Variants in CYLD observed in about 807,000 individuals in gnomAD.
CYLD encodes ubiquitin carboxyl-terminal hydrolase CYLD.
Under a neutral mutation model 104.5 loss-of-function variants are expected in CYLD, and 26 were observed. The observed-to-expected ratio is 0.25, with a 90% CI of 0.18 to 0.35. CYLD has a LOEUF of 0.35. Ranked by LOEUF, CYLD falls within the 10% of genes least tolerant of loss-of-function variation. The pLI is 1.00. For missense variants in CYLD, 703 were observed against 1,136.1 expected (o/e 0.62, Z 5.48); for synonymous variants, 385 against 399.9 (o/e 0.96, Z 0.45).
Position 50,798,016 on chromosome 16 carries a change from G to A in CYLD, c.*1508G>A. On this transcript the variant is annotated 3_prime_UTR_variant, in exon 19 of 19. Transcript: ENST00000427738. ...GGTGGTGAGATGATGATTAGATCAG[G>A]GGTGAGGCTGAGAGACTCTGGGTTT... 4.3e-6 allele frequency: 1 copy of A among 232,324 alleles called. No individual in the cohort carries two copies. The highest frequency in any genetic ancestry group is 1.8e-4 in the South Asian group (1 of 5,524). 14.4% of individuals were successfully genotyped at this position (232,324 alleles called of 1,614,324 possible). A position where few individuals can be genotyped will look rare whatever the true frequency, so the allele number is the denominator to read the frequency against.
intron 13 of CYLD, chr16:50,787,398 A>G: frequency 3.8e-6 from 1 of 265,784 alleles, no homozygotes; most frequent in Non-Finnish European, 7.2e-6. Context: ...AAGATTCACC[A>G]CCTGACTTTG....
chr16:50,749,654 A>C lies in CYLD; in HGVS notation c.-45A>C, dbSNP rs1440521686. On this transcript the variant is annotated 5_prime_UTR_variant, in exon 3 of 19. Coordinates refer to ENST00000427738, the MANE Select transcript of CYLD (RefSeq NM_001378743.1). ...TTTGCGGTTTTATGACAAAGTTATT[A>C]GTAGTTTCCCTTTTTTGAATTAGTA... The C allele has an allele frequency of 6.3e-7, 1 of 1,594,152 alleles. No homozygotes were observed. The highest frequency in any genetic ancestry group is 1.3e-5 in the African/African-American group (1 of 74,548).
At chr16:50,766,490 A>G (rs1273538336) in intron 5 of CYLD, among the ~76,000 whole-genome samples, 1 of 152,232 alleles carries the variant, frequency 6.6e-6, no homozygotes, top group African/African-American at 2.4e-5. Flanking sequence ...TCTGCAGCAT[A>G]TGGATCAAGG....
At chr16:50,746,776 G>T (rs1476434743) in intron 2 of CYLD, among the ~76,000 whole-genome samples, 1 of 151,540 alleles carries the variant, frequency 6.6e-6, no homozygotes, top group East Asian at 1.9e-4. Flanking sequence ...CAGAAAGCAA[G>T]CTTATAATCA....
At chr16:50,795,681 A>T (rs1219591588) in intron 18 of CYLD, 3 of 698,072 alleles carry the variant, frequency 4.3e-6, no homozygotes, top group South Asian at 1.5e-5. Context: ...CAGTTCTCTG[A>T]TGCTTGAGGG....
rs1440117030 is a variant in CYLD, at chr16:50,800,191, T to TG, written c.*3686dup. ...GAGAGGGTTAGACTACTGAATTGTA[T>TG]GGGAAAAAAATACAAATTCCTGGGT... On this transcript the variant is annotated 3_prime_UTR_variant, in exon 19 of 19. Transcript: ENST00000427738. 3.0e-5 allele frequency: 7 copies of TG among 232,754 alleles called. No homozygotes were observed. The highest frequency in any genetic ancestry group is 5.9e-5 in the Non-Finnish European group (7 of 117,864). 14.4% of individuals were successfully genotyped at this position (232,754 alleles called of 1,614,324 possible).
chr16:50,775,320 T>C (rs1197478031), intron 6 of CYLD, 146 bp downstream of exon 6: 2 of 558,388 alleles, frequency 3.6e-6, no homozygotes, highest in Admixed American at 3.4e-5. Flanking sequence ...AGGTCTAGAG[T>C]GGTCTTTGTA....
intron 18 of CYLD, chr16:50,795,456 A>G (rs934711628): frequency 2.9e-6 from 2 of 688,752 alleles, no homozygotes; most frequent in African/African-American, 1.8e-5. Context: ...GCCTCTACCT[A>G]TAAGGAGTTT....
chr16:50,763,992 A>G (rs1256886746), intron 5 of CYLD, among the ~76,000 whole-genome samples: 4 of 152,086 alleles, frequency 2.6e-5, no homozygotes, highest in Admixed American at 2.0e-4. Flanking sequence ...CTCTATTGAG[A>G]TAATCCTATT....
intron 8 of CYLD, among the ~76,000 whole-genome samples, chr16:50,778,842 G>GT (rs1156596395): frequency 1.3e-5 from 2 of 151,102 alleles, no homozygotes; most frequent in East Asian, 3.9e-4. Flanking sequence ...TAGGATTCCT[G>GT]TTTAATTTTT....
chr16:50,751,068 A>T (rs1966575451), intron 3 of CYLD, among the ~76,000 whole-genome samples: 2 of 152,184 alleles, frequency 1.3e-5, no homozygotes, highest in Admixed American at 1.3e-4. Flanking sequence ...AATTTTTTTT[A>T]AAAGCAGTGA....
At chr16:50,774,389 A>G (rs1248424605) in intron 5 of CYLD, among the ~76,000 whole-genome samples, 1 of 152,190 alleles carries the variant, frequency 6.6e-6, no homozygotes, top group African/African-American at 2.4e-5. Flanking sequence ...ACTGAACCCT[A>G]CGTATACTGT....
chr16:50,757,150 A>T (rs1967342848), intron 5 of CYLD, among the ~76,000 whole-genome samples: 1 of 152,008 alleles, frequency 6.6e-6, no homozygotes, highest in Non-Finnish European at 1.5e-5. Flanking sequence ...TTTGTTGTAA[A>T]AATGAAAGGG....
rs753356127 is a variant in CYLD at position 50,751,634 on chromosome 16, G to C, written c.535G>C (p.Gly179Arg). 6.2e-7 allele frequency: 1 copy of C among 1,613,620 alleles called. No individual in the cohort carries two copies. Among genetic ancestry groups the C allele is most frequent in the Admixed American group, 1.7e-5 (1 of 59,990 alleles). ...EEGRGQGFTD[G>R]VYQGKQLFQC... Reference sequence around the variant, plus strand: ...AGGTCGTGGTCAAGGTTTCACTGACGGGGTGTACCAAGGGAAACAGCTTTT... The same window carrying C: ...AGGTCGTGGTCAAGGTTTCACTGACCGGGTGTACCAAGGGAAACAGCTTTT... Residue 179 changes from glycine (G) to arginine (R), a missense_variant, in exon 4 of 19, where the codon GGG (glycine) becomes CGG (arginine). Coordinates refer to ENST00000427738, the MANE Select transcript of CYLD (RefSeq NM_001378743.1).
intron 5 of CYLD, among the ~76,000 whole-genome samples, chr16:50,772,735 T>C (rs143731330): frequency 9.3e-5 from 11 of 118,340 alleles, no homozygotes; most frequent in Admixed American, 3.7e-4. Flanking sequence ...GCTATGCATT[T>C]TACATTTTGA....
intron 18 of CYLD, chr16:50,795,607 A>G (rs1971957104): frequency 1.4e-6 from 1 of 702,764 alleles, no homozygotes; most frequent in South Asian, 1.5e-5. Context: ...AGCCTAAGAC[A>G]TTCCCTGTGG....
chr16:50,788,157 C>A (rs1214885267), intron 14 of CYLD, among the ~76,000 whole-genome samples: 1 of 152,078 alleles, frequency 6.6e-6, no homozygotes, highest in African/African-American at 2.4e-5. Flanking sequence ...AATTAATGAA[C>A]CTTTTAAGAA....
At chr16:50,759,111 G>T (rs1967620954) in intron 5 of CYLD, among the ~76,000 whole-genome samples, 1 of 152,044 alleles carries the variant, frequency 6.6e-6, no homozygotes, top group South Asian at 2.1e-4. Context: ...CGTGGTGGCG[G>T]TCACCTGTAG....
intron 16 of CYLD, among the ~76,000 whole-genome samples, chr16:50,793,159 C>A (rs1971602704): frequency 6.6e-6 from 1 of 150,936 alleles, no homozygotes; most frequent in South Asian, 2.1e-4. Flanking sequence ...TGCATATATA[C>A]CTATGTAAAT....
Sources: gnomAD v4.1 joint callset for allele counts (sites outside exome capture counted in the v4.1 genomes callset) on GRCh38, gnomAD v4.1.1 for gene constraint, MANE v1.5 for transcripts, NCBI Gene and HGNC (gene_info 2026-07-23, HGNC 2026-07-21) for gene names.